Variants in CA10 observed in about 807,000 individuals in gnomAD.
CA10 encodes the protein carbonic anhydrase 10 (inactive).
Under a neutral mutation model 44.2 loss-of-function variants are expected in CA10, and 14 were observed. The observed-to-expected ratio is 0.32, with a 90% CI of 0.21 to 0.50. The LOEUF is 0.50. Ranked by LOEUF, CA10 falls within the 20% of genes least tolerant of loss-of-function variation. CA10 has a pLI of 0.99. For missense variants in CA10, 350 were observed against 409.7 expected (o/e 0.85, Z 1.26); for synonymous variants, 159 against 141.6 (o/e 1.12, Z -0.87).
chr17:51,809,608 G>A (rs1240691032), intron 3 of CA10, among the ~76,000 whole-genome samples: 5 of 152,200 alleles, frequency 3.3e-5, no homozygotes, highest in African/African-American at 1.2e-4. Flanking sequence ...ATATGATACA[G>A]ACGACGGATG....
At chr17:51,969,446 T>C (rs1011029798) in intron 2 of CA10, among the ~76,000 whole-genome samples, 1 of 152,088 alleles carries the variant, frequency 6.6e-6, no homozygotes, top group Non-Finnish European at 1.5e-5. Flanking sequence ...CTATTACTAC[T>C]ACACCACACT....
chr17:52,028,571 C>A (rs1170175801), intron 2 of CA10, among the ~76,000 whole-genome samples: 1 of 152,100 alleles, frequency 6.6e-6, no homozygotes, highest in East Asian at 1.9e-4. Flanking sequence ...GGCTGTGGAG[C>A]CCTCCCAAAA....
intron 1 of CA10, among the ~76,000 whole-genome samples, chr17:52,118,324 T>A (rs1391495711): frequency 6.6e-6 from 1 of 152,134 alleles, no homozygotes; most frequent in South Asian, 2.1e-4. Context: ...AAGAGAAAAA[T>A]TTTTTGGAAA....
intron 3 of CA10, among the ~76,000 whole-genome samples, chr17:51,881,071 A>C (rs764714683): frequency 4.4e-4 from 67 of 151,772 alleles, no homozygotes; most frequent in Non-Finnish European, 9.0e-4. Flanking sequence ...CCCTGTCTCT[A>C]CTAAAAATTA....
intron 1 of CA10, among the ~76,000 whole-genome samples, chr17:52,098,719 G>A (rs528289143): frequency 6.6e-6 from 1 of 152,144 alleles, no homozygotes; most frequent in Non-Finnish European, 1.5e-5. Context: ...ATACCTACCT[G>A]TTCCTCTACC....
intron 3 of CA10, among the ~76,000 whole-genome samples, chr17:51,859,986 A>T (rs1225635429): frequency 6.6e-6 from 1 of 152,170 alleles, no homozygotes; most frequent in Non-Finnish European, 1.5e-5. Context: ...CTGTTTGTAC[A>T]GGGCTGTGCC....
intron 2 of CA10, among the ~76,000 whole-genome samples, chr17:51,972,466 A>G (rs1235147035): frequency 1.3e-5 from 2 of 152,102 alleles, no homozygotes; most frequent in African/African-American, 4.8e-5. Context: ...TTACTGTTAT[A>G]GATACAGAGA....
chr17:51,695,530 A>G (rs1047165334), intron 4 of CA10, among the ~76,000 whole-genome samples: 1 of 152,042 alleles, frequency 6.6e-6, no homozygotes, highest in South Asian at 2.1e-4. Flanking sequence ...GTATCCTGAA[A>G]CCTCACTGAA....
intron 4 of CA10, among the ~76,000 whole-genome samples, chr17:51,737,862 C>T (rs1393403871): frequency 6.6e-6 from 1 of 152,150 alleles, no homozygotes; most frequent in East Asian, 1.9e-4. Flanking sequence ...TACTGTTGCC[C>T]TTTTACTGCA....
chr17:52,132,079 A>G (rs190684408), intron 1 of CA10, among the ~76,000 whole-genome samples: 80 of 152,162 alleles, frequency 5.3e-4, no homozygotes, highest in Non-Finnish European at 8.7e-4. Flanking sequence ...GTTAATGGGT[A>G]CAGCACACCA....
intron 2 of CA10, among the ~76,000 whole-genome samples, chr17:52,012,544 T>C (rs944366123): frequency 7.2e-5 from 11 of 152,018 alleles, no homozygotes; most frequent in Non-Finnish European, 1.2e-4. Context: ...ATATCTTTTA[T>C]TGCAATATGC....
At chr17:51,832,212 G>A (rs1467683117) in intron 3 of CA10, among the ~76,000 whole-genome samples, 1 of 152,190 alleles carries the variant, frequency 6.6e-6, no homozygotes, top group African/African-American at 2.4e-5. Context: ...CTCATGGATT[G>A]TTGTGAAGAC....
chr17:52,009,672 T>C (rs1396134373), intron 2 of CA10, among the ~76,000 whole-genome samples: 2 of 152,054 alleles, frequency 1.3e-5, no homozygotes, highest in Non-Finnish European at 2.9e-5. Flanking sequence ...TGTTTAATTT[T>C]AGAGTGATAA....
intron 3 of CA10, among the ~76,000 whole-genome samples, chr17:51,885,159 C>T (rs1598099654): frequency 6.6e-6 from 1 of 152,152 alleles, no homozygotes; most frequent in African/African-American, 2.4e-5. Context: ...TTGTCTTTCT[C>T]TTTATACAAG....
intron 4 of CA10, among the ~76,000 whole-genome samples, chr17:51,655,500 T>C (rs9894163): frequency 0.026 from 4,000 of 152,330 alleles, 175 homozygotes; most frequent in African/African-American, 0.09. Flanking sequence ...TCCTTGAACT[T>C]TGAGAAAAAG....
intron 3 of CA10, among the ~76,000 whole-genome samples, chr17:51,816,892 G>A (rs1907581732): frequency 6.6e-6 from 1 of 152,158 alleles, no homozygotes; most frequent in African/African-American, 2.4e-5. Flanking sequence ...CTTGGTTCCT[G>A]GATGACTGCA....
intron 1 of CA10, among the ~76,000 whole-genome samples, chr17:52,154,605 T>G (rs1989766379): frequency 6.6e-6 from 1 of 151,996 alleles, no homozygotes; most frequent in Non-Finnish European, 1.5e-5. Flanking sequence ...ATCATTCTGG[T>G]TCTCTCTCTC....
intron 2 of CA10, among the ~76,000 whole-genome samples, chr17:51,993,201 G>C (rs892116844): frequency 6.6e-6 from 1 of 152,028 alleles, no homozygotes; most frequent in African/African-American, 2.4e-5. Context: ...TTTTTATGAG[G>C]CTCGTGCACA....
intron 4 of CA10, among the ~76,000 whole-genome samples, chr17:51,665,007 C>G (rs2143326245): frequency 6.6e-6 from 1 of 152,256 alleles, no homozygotes; most frequent in Admixed American, 6.5e-5. Context: ...CACTGCTTGC[C>G]AAAGCCATCT....
Sources: allele counts gnomAD v4.1 joint callset (sites outside exome capture counted in the v4.1 genomes callset), GRCh38; gene constraint gnomAD v4.1.1; transcripts MANE v1.5; gene names NCBI Gene and HGNC (gene_info 2026-07-23, HGNC 2026-07-21).